Variants in DMD observed in about 807,000 individuals in gnomAD.
DMD encodes mutant dystrophin.
A neutral mutation model predicts 330.1 loss-of-function variants in DMD; 63 were observed. The observed-to-expected ratio is 0.19, with a 90% CI of 0.16 to 0.24. The LOEUF (loss-of-function observed/expected upper bound fraction) is 0.24. Among genes scored for constraint, DMD ranks in the 10% least tolerant of loss-of-function variants. The pLI is 1.00. For missense variants in DMD, 3,344 were observed against 2,684.1 expected, an observed-to-expected ratio of 1.25 and a Z score of -5.43; for synonymous variants, 1,223 against 959.8, an observed-to-expected ratio of 1.27 and a Z score of -5.07.
intron 7 of DMD, among the ~76,000 whole-genome samples, chrX:32,765,276 G>A (rs1325753347): frequency 2.7e-5 from 3 of 110,725 alleles, no homozygotes; most frequent in African/African-American, 6.6e-5. Flanking sequence ...AATTTCTGAT[G>A]AATGGTTTAG....
At position 32,483,164 on chromosome X, in the gene DMD, T is replaced by TATATATATATATATAC. The variant is rs1481445275; in HGVS notation, c.2803+1754_2803+1755insGTATATATATATATAT. On this transcript the variant is annotated intron_variant, in intron 21 of 78. Transcript: ENST00000357033. Reference sequence around the variant, plus strand: ...TTCATTCCATATATATATATATATATACACCATATTTAATTAAAGGGTTAT... The same window carrying TATATATATATATATAC: ...TTCATTCCATATATATATATATATATATATATATATATATACACACCATATTTAATTAAAGGGTTAT... Among the ~76,000 whole-genome samples the TATATATATATATATAC allele has an allele frequency of 5.9e-3, 362 of 61,609 alleles. 39 individuals are homozygous for TATATATATATATATAC. Among genetic ancestry groups the TATATATATATATATAC allele is most frequent in the East Asian group, 0.021 (29 of 1,405 alleles). The allele number at this position is 61,609 out of a possible 115,157, so 53.5% of individuals were successfully genotyped here. A position where few individuals can be genotyped will look rare whatever the true frequency, so the allele number is the denominator to read the frequency against.
At chrX:32,929,198 AT>A (rs2089365479) in intron 2 of DMD, among the ~76,000 whole-genome samples, 1 of 110,965 alleles carries the variant, frequency 9.0e-6, no homozygotes. Context: ...GGGACACTTA[AT>A]TGGAGACGTT....
At position 32,734,516 on chromosome X, in the gene DMD, T is replaced by C. The variant is rs761177407; in HGVS notation, c.650-35223A>G. ...TGAACACTGATGCAAAAATCCTCAA[T>C]AAAATACTGGCAAAACGAATCCAGC... On this transcript the variant is annotated intron_variant, in intron 7 of 78. Coordinates refer to ENST00000357033, the MANE Select transcript of DMD (RefSeq NM_004006.3). 3.2e-4 allele frequency among the ~76,000 whole-genome samples: 34 copies of C among 106,683 alleles called. 1 individual carries two copies. The South Asian group carries it at 0.014, about 44-fold the overall frequency. The allele number at this position is 106,683 out of a possible 115,157, so 92.6% of individuals were successfully genotyped here. A position where few individuals can be genotyped will look rare whatever the true frequency, so the allele number is the denominator to read the frequency against.
chrX:33,202,929 G>T (rs2051362535), intron 1 of DMD, among the ~76,000 whole-genome samples: 1 of 111,529 alleles, frequency 9.0e-6, no homozygotes, highest in South Asian at 3.7e-4. Context: ...AAAAAAAGTT[G>T]CTCAATATCA....
intron 1 of DMD, among the ~76,000 whole-genome samples, chrX:33,321,321 G>T (rs1047786134): frequency 2.7e-5 from 3 of 111,449 alleles, no homozygotes; most frequent in African/African-American, 9.8e-5. Context: ...ATGGGCTACA[G>T]AATGGATGTT....
Position 32,773,760 on chromosome X carries a change from T to A in DMD, c.649+35733A>T, listed in dbSNP as rs748748660. On this transcript the variant is annotated intron_variant, in intron 7 of 78. Transcript: ENST00000357033. ...TTCTCTCGCTCTCCTTTTTTAAAGCTCCTCTGGAGTGCTCTTTCTTAGTTT... is the reference window on the plus strand; with the variant it reads ...TTCTCTCGCTCTCCTTTTTTAAAGCACCTCTGGAGTGCTCTTTCTTAGTTT... 1.1e-4 allele frequency among the ~76,000 whole-genome samples: 12 copies of A among 111,628 alleles called. No individual in the cohort carries two copies. In the South Asian group the frequency reaches 4.5e-3, roughly 42 times the overall value.
chrX:31,825,270 G>A (rs2092867786), intron 49 of DMD, among the ~76,000 whole-genome samples: 2 of 111,850 alleles, frequency 1.8e-5, no homozygotes, highest in African/African-American at 6.5e-5. Context: ...ACTGAGAAAT[G>A]TGGTAATCTT....
At chrX:32,133,021 T>TAG in intron 44 of DMD, among the ~76,000 whole-genome samples, 1 of 77,182 alleles carries the variant, frequency 1.3e-5, no homozygotes, top group African/African-American at 5.3e-5. Flanking sequence ...TTTTTTTTTT[T>TAG]TTTTAGATGA....
At chrX:32,407,002 G>C (rs1418292820) in intron 30 of DMD, among the ~76,000 whole-genome samples, 1 of 111,482 alleles carries the variant, frequency 9.0e-6, no homozygotes, top group Non-Finnish European at 1.9e-5. Flanking sequence ...TTACATGTTA[G>C]ACTTAAAACC....
chrX:32,005,399 T>C, intron 44 of DMD, among the ~76,000 whole-genome samples: 1 of 111,549 alleles, frequency 9.0e-6, no homozygotes, highest in East Asian at 2.8e-4. Flanking sequence ...TTAAATACTG[T>C]ACTATAAAAA....
At chrX:32,114,596 C>T (rs778656564) in intron 44 of DMD, among the ~76,000 whole-genome samples, 4 of 111,759 alleles carry the variant, frequency 3.6e-5, no homozygotes, top group Non-Finnish European at 5.6e-5. Flanking sequence ...CAAGCTTCTA[C>T]TCAGCCTCCC....
At chrX:33,223,156 C>T (rs1466017516) in intron 1 of DMD, among the ~76,000 whole-genome samples, 1 of 110,811 alleles carries the variant, frequency 9.0e-6, no homozygotes, top group Non-Finnish European at 1.9e-5. Flanking sequence ...CTAAAAACAA[C>T]AAAAATTAGC....
intron 44 of DMD, among the ~76,000 whole-genome samples, chrX:32,084,943 C>T (rs2096419642): frequency 9.0e-6 from 1 of 111,220 alleles, no homozygotes; most frequent in Non-Finnish European, 1.9e-5. Context: ...CGAAACCTGG[C>T]CCCGGGCTCT....
chrX:31,196,484 T>A (rs900751582), intron 67 of DMD, among the ~76,000 whole-genome samples: 25 of 110,555 alleles, frequency 2.3e-4, no homozygotes, highest in Non-Finnish European at 4.2e-4. Flanking sequence ...GAAACCTAAG[T>A]GAAGGAGGGT....
intron 2 of DMD, among the ~76,000 whole-genome samples, chrX:32,998,614 T>TAC (rs72160681): frequency 2.3e-4 from 24 of 102,152 alleles, no homozygotes; most frequent in African/African-American, 5.5e-4. Flanking sequence ...TATATATATA[T>TAC]ACACACACAC....
At chrX:31,896,470 T>A (rs1189097695) in intron 47 of DMD, among the ~76,000 whole-genome samples, 2 of 111,975 alleles carry the variant, frequency 1.8e-5, no homozygotes, top group East Asian at 5.6e-4. Context: ...TCAATTTTTG[T>A]GATGTATGTG....
At chrX:31,138,343 C>T (rs2035525305) in intron 76 of DMD, among the ~76,000 whole-genome samples, 1 of 111,413 alleles carries the variant, frequency 9.0e-6, no homozygotes, top group South Asian at 3.8e-4. Context: ...TGTTATGCAG[C>T]AACAGCTGAC....
At chrX:33,209,753 T>C (rs982450661) in intron 1 of DMD, among the ~76,000 whole-genome samples, 1 of 111,199 alleles carries the variant, frequency 9.0e-6, no homozygotes, top group Non-Finnish European at 1.9e-5. Flanking sequence ...CTACAGGGCA[T>C]GTCCCAAAAA....
chrX:33,286,315 A>G (rs2053432200), intron 1 of DMD, among the ~76,000 whole-genome samples: 2 of 112,143 alleles, frequency 1.8e-5, no homozygotes, highest in South Asian at 7.4e-4. Context: ...TGGCTGATAC[A>G]AATACATCCA....
Sources: gnomAD v4.1 joint callset for allele counts (sites outside exome capture counted in the v4.1 genomes callset) on GRCh38, gnomAD v4.1.1 for gene constraint, MANE v1.5 for transcripts, NCBI Gene and HGNC (gene_info 2026-07-23, HGNC 2026-07-21) for gene names.